OSBPL9: variants seen among roughly 807,000 people sequenced by gnomAD.
The protein encoded by OSBPL9 is oxysterol-binding protein-related protein 9.
A neutral mutation model predicts 106.6 loss-of-function variants in OSBPL9; 40 were observed. The observed-to-expected ratio is 0.38, with a 90% CI of 0.29 to 0.49. OSBPL9 has a LOEUF of 0.49. OSBPL9 is among the 20% of genes least tolerant of loss of function. The pLI, the probability that OSBPL9 is intolerant of heterozygous loss-of-function variation, is 0.97. For missense variants in OSBPL9, 609 were observed against 887.2 expected, an observed-to-expected ratio of 0.69 and a Z score of 3.98; for synonymous variants, 269 against 295.4, an observed-to-expected ratio of 0.91 and a Z score of 0.92.
chr1:51,611,749 G>A (rs76295152), intron 2 of OSBPL9, among the ~76,000 whole-genome samples: 1,865 of 152,258 alleles, frequency 0.012, 40 homozygotes, highest in African/African-American at 0.044. Flanking sequence ...GGGGTGGGGG[G>A]TGGATCACCT....
chr1:51,570,684 G>A, the OSBPL9 span, among the ~76,000 whole-genome samples: 1 of 152,230 alleles, frequency 6.6e-6, no homozygotes, highest in Non-Finnish European at 1.5e-5. Flanking sequence ...CTGAGTCTCA[G>A]TTTCATATCA....
chr1:51,754,826 A>G (rs1239701615), intron 8 of OSBPL9, among the ~76,000 whole-genome samples: 6 of 152,102 alleles, frequency 3.9e-5, no homozygotes, highest in African/African-American at 1.2e-4. Context: ...TTTAAGAGAT[A>G]GTGTCTTGCT....
At chr1:51,739,332 CA>C (rs1267937563) in intron 4 of OSBPL9, among the ~76,000 whole-genome samples, 4 of 151,862 alleles carry the variant, frequency 2.6e-5, no homozygotes, top group African/African-American at 9.7e-5. Context: ...TTATAATGCT[CA>C]AATGAGAAAG....
chr1:51,572,361 A>C (rs968119238), upstream of OSBPL9, among the ~76,000 whole-genome samples: 18 of 152,148 alleles, frequency 1.2e-4, no homozygotes, highest in Admixed American at 3.9e-4. Flanking sequence ...TCTAATGAGC[A>C]TGGCAGGCAA....
At chr1:51,656,905 C>T (rs547039366) in intron 2 of OSBPL9, among the ~76,000 whole-genome samples, 5 of 152,148 alleles carry the variant, frequency 3.3e-5, no homozygotes, top group African/African-American at 9.6e-5. Context: ...TCCTAACTCC[C>T]GACCTCAGGC....
At chr1:51,540,904 A>G in the OSBPL9 span, among the ~76,000 whole-genome samples, 8 of 149,992 alleles carry the variant, frequency 5.3e-5, no homozygotes, top group East Asian at 1.4e-3. Context: ...GGCTGCAGTC[A>G]GCCAAGATAG....
chr1:51,718,228 G>A lies in OSBPL9; in HGVS notation c.318+4149G>A, dbSNP rs149948519. Among the ~76,000 whole-genome samples the A allele has an allele frequency of 2.3e-3, 350 of 152,298 alleles. 4 individuals carry two copies. Among genetic ancestry groups the A allele is most frequent in the African/African-American group, 8.2e-3 (342 of 41,566 alleles). ...TGGAAGGGTGGTTGGGCGTATAAGT[G>A]TAGGGGGAGTGGGGATGGTTAATGG... is the stretch of plus-strand genomic sequence containing the variant. On this transcript the variant is annotated intron_variant, in intron 4 of 23. Transcript: ENST00000428468.
chr1:51,705,883 T>C lies in OSBPL9; in HGVS notation c.242-8120T>C, dbSNP rs973113317. On this transcript the variant is annotated intron_variant, in intron 3 of 23. Coordinates refer to ENST00000428468, the MANE Select transcript of OSBPL9 (RefSeq NM_024586.6). ...ATTAATTTTTTAAGGTCATGGTCAT[T>C]CATTCATTTCACATTTTATTCTTAG... Among the ~76,000 whole-genome samples the C allele has an allele frequency of 5.3e-5, 8 of 152,340 alleles. No individual in the cohort carries two copies. The South Asian group carries it at 1.0e-3, about 20-fold the overall frequency.
intron 11 of OSBPL9, among the ~76,000 whole-genome samples, chr1:51,763,321 C>A (rs1248191522): frequency 6.6e-6 from 1 of 152,000 alleles, no homozygotes; most frequent in Non-Finnish European, 1.5e-5. Flanking sequence ...TTTCTTAATT[C>A]GTTTAGGCTT....
intron 4 of OSBPL9, among the ~76,000 whole-genome samples, chr1:51,721,140 ATTT>A (rs77240407): frequency 7.1e-6 from 1 of 140,500 alleles, no homozygotes; most frequent in Admixed American, 7.2e-5. Flanking sequence ...TTTTATGTTA[ATTT>A]TTTTTTTTTT....
intron 1 of OSBPL9, among the ~76,000 whole-genome samples, chr1:51,634,950 G>A (rs559527907): frequency 6.6e-6 from 1 of 152,256 alleles, no homozygotes; most frequent in East Asian, 1.9e-4. Context: ...GAAACAGTAT[G>A]GGGGAAACTG....
At chr1:51,721,632 A>G (rs1364728661) in intron 4 of OSBPL9, among the ~76,000 whole-genome samples, 1 of 152,222 alleles carries the variant, frequency 6.6e-6, no homozygotes, top group Non-Finnish European at 1.5e-5. Flanking sequence ...TTCTTGAACT[A>G]CTTCACTGAA....
chr1:51,789,121 G>T lies in OSBPL9; in HGVS notation c.*1332G>T. 1 of 925,504 alleles carries T rather than the reference G, an allele frequency of 1.1e-6. No homozygotes were observed. Among genetic ancestry groups the T allele is most frequent in the Non-Finnish European group, 1.7e-6 (1 of 577,924 alleles). 57.3% of individuals were successfully genotyped at this position (925,504 alleles called of 1,614,324 possible). ...TAAAAAGTAAATCAAATGCTATGAT[G>T]CCAGTGCAAAACTTCAATGGAAGCC... is the stretch of plus-strand genomic sequence containing the variant. On this transcript the variant is annotated 3_prime_UTR_variant, in exon 24 of 24. Coordinates refer to ENST00000428468, the MANE Select transcript of OSBPL9 (RefSeq NM_024586.6).
chr1:51,581,350 ATTAACATGACT>A, intron 1 of OSBPL9, among the ~76,000 whole-genome samples: 1 of 152,308 alleles, frequency 6.6e-6, no homozygotes, highest in South Asian at 2.1e-4. Context: ...GGTGCATGCC[ATTAACATGACT>A]TATCACTGAT....
At chr1:51,556,799 A>G in the OSBPL9 span, among the ~76,000 whole-genome samples, 1 of 150,606 alleles carries the variant, frequency 6.6e-6, no homozygotes, top group African/African-American at 2.4e-5. Context: ...GAAACAAAAA[A>G]AAAGTATATA....
intron 3 of OSBPL9, among the ~76,000 whole-genome samples, chr1:51,690,691 A>G (rs929444644): frequency 5.3e-5 from 8 of 152,214 alleles, no homozygotes; most frequent in African/African-American, 1.9e-4. Context: ...GGGGCTTGGG[A>G]TACATCAATA....
At chr1:51,656,579 A>G (rs1180008839) in intron 2 of OSBPL9, among the ~76,000 whole-genome samples, 1 of 151,840 alleles carries the variant, frequency 6.6e-6, no homozygotes, top group Non-Finnish European at 1.5e-5. Context: ...TCTAATCCGC[A>G]TACTTCTAAC....
At chr1:51,750,221 C>A in intron 8 of OSBPL9, 26 bp downstream of exon 8, 1 of 1,570,042 alleles carries the variant, frequency 6.4e-7, no homozygotes, top group Non-Finnish European at 8.7e-7. Context: ...TTTCAATTAC[C>A]TTTGTGTATG....
At chr1:51,554,225 A>G in the OSBPL9 span, among the ~76,000 whole-genome samples, 1 of 152,224 alleles carries the variant, frequency 6.6e-6, no homozygotes, top group African/African-American at 2.4e-5. Context: ...AACTGCAGGG[A>G]AAAACAGATG....
Sources: gnomAD v4.1 joint callset for allele counts (sites outside exome capture counted in the v4.1 genomes callset) on GRCh38, gnomAD v4.1.1 for gene constraint, MANE v1.5 for transcripts, NCBI Gene and HGNC (gene_info 2026-07-23, HGNC 2026-07-21) for gene names.